ZC3H10: variants seen among roughly 807,000 people sequenced by gnomAD.
The protein encoded by ZC3H10 is zinc finger CCCH-type containing 10.
In ZC3H10, 12 loss-of-function variants were observed where a neutral mutation model predicts 24.3. That is an observed-to-expected ratio of 0.49 (90% CI 0.32 to 0.80). ZC3H10 has a LOEUF of 0.80. Ranked by LOEUF, ZC3H10 falls within the 30% of genes least tolerant of loss-of-function variation. ZC3H10 has a pLI of 0.04. For missense variants in ZC3H10, 360 were observed against 576.3 expected (o/e 0.62, Z 3.84); for synonymous variants, 226 against 217.0 (o/e 1.04, Z -0.36).
Position 56,121,777 on chromosome 12 carries a change from G to A in ZC3H10, c.1215G>A (p.Leu405=), listed in dbSNP as rs776213564. 2.5e-6 allele frequency: 4 copies of A among 1,614,126 alleles called. No homozygotes were observed. Among genetic ancestry groups the A allele is most frequent in the Non-Finnish European group, 3.4e-6 (4 of 1,180,012 alleles). The part of the protein sequence containing the change: ...APVAVSMAQP[L]AGITMSHTTT... ...TGGCTGTATCGATGGCCCAACCCTT[G>A]GCAGGAATCACAATGAGCCACACCA... Residue 405 remains leucine, a synonymous_variant, in exon 3 of 3, where the codon TTG becomes TTA. Transcript: ENST00000257940. The surrounding 1 kb of genome is among the most constrained non-coding windows in gnomAD (Gnocchi z 6.2).
rs1869943092 is a variant in ZC3H10 at position 56,124,739 on chromosome 12, A to C, written c.*2872A>C. Reference sequence around the variant, plus strand: ...CACAGGAAGAGCTAAATAATATTCAAAGTGTCTGTAACTTGAATTGACTAA... The same window carrying C: ...CACAGGAAGAGCTAAATAATATTCACAGTGTCTGTAACTTGAATTGACTAA... On this transcript the variant is annotated 3_prime_UTR_variant, in exon 3 of 3. Coordinates refer to ENST00000257940, the MANE Select transcript of ZC3H10 (RefSeq NM_032786.3). 6.6e-6 allele frequency: 1 copy of C among 152,212 alleles called. No individual in the cohort carries two copies. The highest frequency in any genetic ancestry group is 1.5e-5 in the Non-Finnish European group (1 of 68,036). The allele number at this position is 152,212 out of a possible 1,614,324, so 9.4% of individuals were successfully genotyped here. A position where few individuals can be genotyped will look rare whatever the true frequency, so the allele number is the denominator to read the frequency against.
chr12:56,120,261 T>A, intron 2 of ZC3H10: 1 of 985,438 alleles, frequency 1.0e-6, no homozygotes, highest in Non-Finnish European at 1.2e-6. Flanking sequence ...TCCAACACTA[T>A]TTTTTCCCTG....
rs747005161 is a variant in ZC3H10 at position 56,120,591 on chromosome 12, G to C, written c.29G>C (p.Gly10Ala). The change falls in exon 3 of 3, where the codon GGT becomes GCT. Residue 10 changes from glycine (G) to alanine (A), a missense_variant. Coordinates refer to ENST00000257940, the MANE Select transcript of ZC3H10 (RefSeq NM_032786.3). Reference sequence around the variant, plus strand: ...CCTGACCGGGACAGCTATGCCAACGGTACCGGGAGCAGCGGTGGAGGCCCT... The same window carrying C: ...CCTGACCGGGACAGCTATGCCAACGCTACCGGGAGCAGCGGTGGAGGCCCT... MPDRDSYAN[G>A]TGSSGGGPGG... 6.4e-7 allele frequency: 1 copy of C among 1,571,732 alleles called. No homozygotes were observed. The highest frequency in any genetic ancestry group is 2.2e-5 in the East Asian group (1 of 44,610).
Position 56,121,421 on chromosome 12 carries a change from A to G in ZC3H10, c.859A>G (p.Thr287Ala). Residue 287 changes from threonine (T) to alanine (A), a missense_variant, in exon 3 of 3, where the codon ACT (threonine) becomes GCT (alanine). Transcript: ENST00000257940. The surrounding 1 kb of genome is among the most constrained non-coding windows in gnomAD (Gnocchi z 6.2). ...NQAKVITLSS[T>A]APATEQTLAP... ...GGCCAAGGTCATAACCCTGAGCTCC[A>G]CTGCACCAGCGACTGAGCAGACTCT... is the stretch of plus-strand genomic sequence containing the variant. The G allele has an allele frequency of 1.2e-6, 2 of 1,612,166 alleles. No individual in the cohort carries two copies. The highest frequency in any genetic ancestry group is 1.7e-6 in the Non-Finnish European group (2 of 1,178,344).
chr12:56,125,068 T>C lies in ZC3H10; in HGVS notation c.*3201T>C, dbSNP rs1355321786. ...ACTTAGTAGTGTGTTGTTCTAAATG[T>C]AATTTTTAAAGAGGGCCATTGACAA... On this transcript the variant is annotated 3_prime_UTR_variant, in exon 3 of 3. Transcript: ENST00000257940. The C allele has an allele frequency of 2.6e-5, 4 of 152,188 alleles. No homozygotes were observed. The highest frequency in any genetic ancestry group is 9.6e-5 in the African/African-American group (4 of 41,512). 9.4% of individuals were successfully genotyped at this position (152,188 alleles called of 1,614,324 possible).
chr12:56,121,361 G>T lies in ZC3H10; in HGVS notation c.799G>T (p.Val267Leu). 6.2e-7 allele frequency: 1 copy of T among 1,614,026 alleles called. No homozygotes were observed. The highest frequency in any genetic ancestry group is 8.5e-7 in the Non-Finnish European group (1 of 1,180,012). The change falls in exon 3 of 3, where the codon GTA becomes TTA. Residue 267 changes from valine to leucine, a missense_variant. By Grantham distance (32) the Val-to-Leu change is conservative. Transcript: ENST00000257940. This position sits in a 1 kb window ranked among gnomAD's most constrained non-coding sequence, Gnocchi z 6.2. ...QVSNLLATNE[V>L]LLEQNAQFRN... The stretch of plus-strand genomic sequence containing the variant: ...CAGCAACCTGCTGGCCACCAATGAG[G>T]TACTACTGGAACAAAATGCTCAGTT...
At chr12:56,118,996 T>G (rs1379955196) in intron 1 of ZC3H10, 92 bp from the exon 2 acceptor site, 1 of 152,676 alleles carries the variant, frequency 6.5e-6, no homozygotes, top group Non-Finnish European at 1.5e-5. Flanking sequence ...CTCGAAGCTT[T>G]GCCGTTTTGT....
Position 56,120,681 on chromosome 12 carries a change from C to T in ZC3H10, c.119C>T (p.Ala40Val). 5.0e-6 allele frequency: 8 copies of T among 1,608,528 alleles called. No homozygotes were observed. The highest frequency in any genetic ancestry group is 6.8e-6 in the Non-Finnish European group (8 of 1,177,566). ...GGCAGTGGCGGGGCCAGCTCAGATGCCATCTGTAGAGACTTCTTGAGGAAT... is the reference window on the plus strand; with the variant it reads ...GGCAGTGGCGGGGCCAGCTCAGATGTCATCTGTAGAGACTTCTTGAGGAAT... ...GVGSGGASSD[A>V]ICRDFLRNVC... The change falls in exon 3 of 3, where the codon GCC (alanine) becomes GTC (valine). Residue 40 changes from alanine to valine, a missense_variant. Ala to Val is a moderately conservative substitution (Grantham distance 64). Coordinates refer to ENST00000257940, the MANE Select transcript of ZC3H10 (RefSeq NM_032786.3).
chr12:56,125,562 A>G lies in ZC3H10; in HGVS notation c.*3695A>G, dbSNP rs1313673860. On this transcript the variant is annotated 3_prime_UTR_variant, in exon 3 of 3. Transcript: ENST00000257940. ...ATTTGTTGACTGCTTAATATAAGCC[A>G]AGGCTCTGTGCTAGGCACTTTACAT... The G allele has an allele frequency of 6.6e-6, 1 of 152,142 alleles. No homozygotes were observed. The highest frequency in any genetic ancestry group is 2.4e-5 in the African/African-American group (1 of 41,432). 9.4% of individuals were successfully genotyped at this position (152,142 alleles called of 1,614,324 possible). A position where few individuals can be genotyped will look rare whatever the true frequency, so the allele number is the denominator to read the frequency against.
chr12:56,122,534 G>A lies in ZC3H10; in HGVS notation c.*667G>A, dbSNP rs1869879064. On this transcript the variant is annotated 3_prime_UTR_variant, in exon 3 of 3. Transcript: ENST00000257940. ...AAAACTTGCTTAGCTATTCTGTGTG[G>A]AAGATGGGAGCAGTAAATAGATCTC... 6.0e-6 allele frequency: 1 copy of A among 166,296 alleles called. No individual in the cohort carries two copies. The allele number at this position is 166,296 out of a possible 1,614,324, so 10.3% of individuals were successfully genotyped here.
chr12:56,119,065 GTC>G (rs1005988190), intron 1 of ZC3H10, 21 bp from the exon 2 acceptor site: 5 of 152,654 alleles, frequency 3.3e-5, no homozygotes, highest in African/African-American at 1.2e-4. Context: ...TTCCACCCAA[GTC>G]TCTGTTTTTT....
In ZC3H10 at chr12:56,122,637, C is replaced by T. The variant is rs1869881569; in HGVS notation, c.*770C>T. The T allele has an allele frequency of 6.5e-6, 1 of 152,960 alleles. No individual in the cohort carries two copies. The highest frequency in any genetic ancestry group is 6.6e-5 in the Admixed American group (1 of 15,264). The allele number at this position is 152,960 out of a possible 1,614,324, so 9.5% of individuals were successfully genotyped here. A position where few individuals can be genotyped will look rare whatever the true frequency, so the allele number is the denominator to read the frequency against. On this transcript the variant is annotated 3_prime_UTR_variant, in exon 3 of 3. Coordinates refer to ENST00000257940, the MANE Select transcript of ZC3H10 (RefSeq NM_032786.3). ...AGAAGCCAGTGAAGAAGGGTAGGGA[C>T]CCAGAACAAGACCAAATGGGGCTTT... is the stretch of plus-strand genomic sequence containing the variant.
intron 2 of ZC3H10, chr12:56,120,255 A>C: frequency 2.0e-6 from 2 of 985,460 alleles, no homozygotes; most frequent in Non-Finnish European, 2.4e-6. Flanking sequence ...ATGAATTCCA[A>C]CACTATTTTT....
At chr12:56,120,276 G>A (rs576920559) in intron 2 of ZC3H10, 16 of 985,366 alleles carry the variant, frequency 1.6e-5, no homozygotes, top group East Asian at 2.3e-4. Flanking sequence ...TCCCTGCTCC[G>A]TCCTGGGCCT....
rs1184099165 is a variant in ZC3H10, at chr12:56,122,191, T to TTCTGC, written c.*325_*329dup. ...GGAACATCCCTCGTCTTGTCCTCTC[T>TTCTGC]TCTGCACAGCACAGGTTCCAGCACT... is the stretch of plus-strand genomic sequence containing the variant. On this transcript the variant is annotated 3_prime_UTR_variant, in exon 3 of 3. Transcript: ENST00000257940. The TTCTGC allele has an allele frequency of 1.8e-5, 6 of 336,392 alleles. No homozygotes were observed. The highest frequency in any genetic ancestry group is 3.4e-5 in the Non-Finnish European group (6 of 174,160). 20.8% of individuals were successfully genotyped at this position (336,392 alleles called of 1,614,324 possible).
rs1555213914 is a variant in ZC3H10, at chr12:56,121,730, T to TCTGTGGCTCCTGTGGCCC, written c.1177_1194dup (p.Pro393_Ala398dup). 8 of 1,613,988 alleles carry TCTGTGGCTCCTGTGGCCC rather than the reference T, an allele frequency of 5.0e-6. No individual in the cohort carries two copies. Among genetic ancestry groups the TCTGTGGCTCCTGTGGCCC allele is most frequent in the Admixed American group, 3.3e-5 (2 of 60,002 alleles). On this transcript the variant is annotated inframe_insertion, in exon 3 of 3. Transcript: ENST00000257940. The surrounding 1 kb of genome is among the most constrained non-coding windows in gnomAD (Gnocchi z 6.2). ...TGTCTCCATGGCTCCTGTGGCTGTA[T>TCTGTGGCTCCTGTGGCCC]CTGTGGCTCCTGTGGCCCCTGTGGC...
Position 56,121,090 on chromosome 12 carries a change from C to A in ZC3H10, c.528C>A (p.Gly176=), listed in dbSNP as rs865779094. The A allele has an allele frequency of 1.1e-5, 17 of 1,614,216 alleles. No individual in the cohort carries two copies. The Middle Eastern group carries it at 4.9e-4, about 47-fold the overall frequency. The part of the protein sequence containing the change: ...DARGGGGTGG[G]STGSVLPGRR... ...GGGGTGGAGGAGGCACTGGTGGGGG[C>A]TCAACAGGCTCAGTCCTCCCAGGAC... is the stretch of plus-strand genomic sequence containing the variant. The change falls in exon 3 of 3, where the codon GGC becomes GGA. Residue 176 remains glycine (G), a synonymous_variant. Coordinates refer to ENST00000257940, the MANE Select transcript of ZC3H10 (RefSeq NM_032786.3). The surrounding 1 kb of genome is among the most constrained non-coding windows in gnomAD (Gnocchi z 6.2).
In ZC3H10 at chr12:56,120,822, G is replaced by A; in HGVS notation, c.260G>A (p.Cys87Tyr). The change falls in exon 3 of 3, where the codon TGT (cysteine) becomes TAT (tyrosine). Residue 87 changes from cysteine to tyrosine, a missense_variant. Transcript: ENST00000257940. Reference protein sequence around the residue: ...IFCHDFQNKECSRPNCRFIHG... With the variant: ...IFCHDFQNKEYSRPNCRFIHG... ...TGCCATGACTTCCAGAACAAGGAGT[G>A]TAGCCGCCCAAATTGCCGTTTCATC... 1 of 1,614,210 alleles carries A rather than the reference G, an allele frequency of 6.2e-7. No homozygotes were observed. Among genetic ancestry groups the A allele is most frequent in the Non-Finnish European group, 8.5e-7 (1 of 1,180,038 alleles).
chr12:56,126,024 C>T lies in ZC3H10; in HGVS notation c.*4157C>T, dbSNP rs1440591981. ...CAGGCTGGTCTTGAACTCCTGACCT[C>T]AGGTGATCCAACTGCCTCGGCCTTC... On this transcript the variant is annotated 3_prime_UTR_variant, in exon 3 of 3. Transcript: ENST00000257940. 1.3e-5 allele frequency: 2 copies of T among 152,158 alleles called. No homozygotes were observed. The highest frequency in any genetic ancestry group is 2.9e-5 in the Non-Finnish European group (2 of 68,068). The allele number at this position is 152,158 out of a possible 1,614,324, so 9.4% of individuals were successfully genotyped here. A position where few individuals can be genotyped will look rare whatever the true frequency, so the allele number is the denominator to read the frequency against.
Sources: allele counts gnomAD v4.1 joint callset, GRCh38; gene constraint gnomAD v4.1.1; non-coding constraint Gnocchi (gnomAD v3.1); transcripts MANE v1.5; gene names NCBI Gene and HGNC (gene_info 2026-07-23, HGNC 2026-07-21).